Variants in KLRG1 observed in about 807,000 individuals in gnomAD.
The protein encoded by KLRG1 is killer cell lectin-like receptor subfamily G member 1.
KLRG1 carries 16 observed loss-of-function variants against 21.8 expected under a neutral mutation model. That is an observed-to-expected ratio of 0.73 (90% confidence interval 0.50 to 1.11). KLRG1 has a LOEUF of 1.11. Ranked by LOEUF, KLRG1 falls within the 50% of genes most tolerant of loss-of-function variation. The pLI, the probability that KLRG1 is intolerant of heterozygous loss-of-function variation, is 0.00. For missense variants in KLRG1, 173 were observed against 218.3 expected, an observed-to-expected ratio of 0.79 and a Z score of 1.31; for synonymous variants, 69 against 75.9, an observed-to-expected ratio of 0.91 and a Z score of 0.47.
chr12:9,032,907 G>A, the KLRG1 span, among the ~76,000 whole-genome samples: 2 of 152,174 alleles, frequency 1.3e-5, no homozygotes, highest in East Asian at 3.9e-4. Context: ...CCATTCTCTA[G>A]CCCTCTGACC....
chr12:9,109,773 G>T, the KLRG1 span: 1 of 1,263,352 alleles, frequency 7.9e-7, no homozygotes, highest in East Asian at 2.3e-5. Context: ...GTCACCCATG[G>T]GAAATGGAAA....
At chr12:8,951,337 T>C (rs1338643957) in intron 1 of KLRG1, among the ~76,000 whole-genome samples, 3 of 151,156 alleles carry the variant, frequency 2.0e-5, no homozygotes, top group Non-Finnish European at 2.9e-5. Context: ...GGCTTGGTGG[T>C]GCACACCTGT....
the KLRG1 span, chr12:9,079,894 T>G: frequency 3.8e-4 from 516 of 1,341,182 alleles, 2 homozygotes; most frequent in Non-Finnish European, 4.8e-4. Flanking sequence ...AATAATTAGT[T>G]GAGCTTAGAA....
chr12:9,101,409 G>T, the KLRG1 span: 1 of 1,541,186 alleles, frequency 6.5e-7, no homozygotes. Flanking sequence ...GAGAGCTTTT[G>T]TCTACAGTGA....
intron 1 of KLRG1, among the ~76,000 whole-genome samples, chr12:8,956,600 G>A (rs1449083303): frequency 6.6e-6 from 1 of 151,944 alleles, no homozygotes; most frequent in African/African-American, 2.4e-5. Flanking sequence ...TGCCTGCCAC[G>A]ACTTCCGGCT....
At chr12:9,021,761 G>C in the KLRG1 span, among the ~76,000 whole-genome samples, 1 of 152,056 alleles carries the variant, frequency 6.6e-6, no homozygotes, top group South Asian at 2.1e-4. Flanking sequence ...ACAGGGTCAG[G>C]ATCATCAGTA....
chr12:9,163,161 GGA>G, the KLRG1 span, among the ~76,000 whole-genome samples: 2 of 151,888 alleles, frequency 1.3e-5, no homozygotes, highest in Non-Finnish European at 2.9e-5. Context: ...GTGAATCTTA[GGA>G]GAGAGGTGGA....
At chr12:9,137,690 A>C in the KLRG1 span, among the ~76,000 whole-genome samples, 1 of 151,998 alleles carries the variant, frequency 6.6e-6, no homozygotes, top group East Asian at 1.9e-4. Flanking sequence ...TTGTGTCTTA[A>C]TTTCTTTCAT....
chr12:9,001,431 G>GT (rs1947303584), intron 3 of KLRG1, among the ~76,000 whole-genome samples: 1 of 152,122 alleles, frequency 6.6e-6, no homozygotes, highest in Admixed American at 6.5e-5. Context: ...CCAGCTACAG[G>GT]TTTTTCCCCT....
intron 3 of KLRG1, 82 bp from the exon 4 acceptor site, chr12:9,008,893 G>A: frequency 1.2e-6 from 1 of 866,644 alleles, no homozygotes; most frequent in Non-Finnish European, 1.9e-6. Flanking sequence ...ACTTAACTTA[G>A]TATTAGGAAT....
At chr12:9,150,080 A>T in the KLRG1 span, among the ~76,000 whole-genome samples, 1 of 152,020 alleles carries the variant, frequency 6.6e-6, no homozygotes, top group Non-Finnish European at 1.5e-5. Flanking sequence ...TGCCTCTCAA[A>T]CTTATTGCTT....
In KLRG1 at chr12:9,004,540, C is replaced by T. The variant is rs147003361; in HGVS notation, c.358-4435C>T. Among the ~76,000 whole-genome samples the T allele has an allele frequency of 3.2e-3, 483 of 152,304 alleles. 3 individuals carry two copies. Among genetic ancestry groups the T allele is most frequent in the African/African-American group, 0.011 (442 of 41,560 alleles). On this transcript the variant is annotated intron_variant, in intron 3 of 4. Transcript: ENST00000356986. The stretch of plus-strand genomic sequence containing the variant: ...CTGGAGAGCAATGGCATGATCACAG[C>T]TCACTTTAGCCTCAAACTCCTGGGC...
At chr12:9,108,326 C>T in the KLRG1 span, among the ~76,000 whole-genome samples, 1 of 151,964 alleles carries the variant, frequency 6.6e-6, no homozygotes, top group Admixed American at 6.6e-5. Context: ...CGGGGTTTCA[C>T]CATGTTAGCC....
the KLRG1 span, among the ~76,000 whole-genome samples, chr12:9,084,276 G>A: frequency 8.6e-5 from 13 of 152,014 alleles, no homozygotes; most frequent in Non-Finnish European, 1.3e-4. Context: ...AAGTAATATA[G>A]AGCCATATTC....
chr12:9,196,711 A>G, the KLRG1 span: 1 of 1,520,760 alleles, frequency 6.6e-7, no homozygotes, highest in Non-Finnish European at 9.1e-7. Context: ...AAACCAATAA[A>G]TGTCAAACTG....
At chr12:9,153,133 A>T in the KLRG1 span, 2 of 1,614,018 alleles carry the variant, frequency 1.2e-6, no homozygotes, top group Non-Finnish European at 1.7e-6. Flanking sequence ...ACCTGAAGAT[A>T]CACACATCTT....
chr12:8,996,232 C>T (rs1322754672), intron 3 of KLRG1, among the ~76,000 whole-genome samples: 1 of 152,120 alleles, frequency 6.6e-6, no homozygotes, highest in Non-Finnish European at 1.5e-5. Flanking sequence ...CCAGCAATCT[C>T]TTGGAAAAGA....
chr12:9,200,194 T>C, the KLRG1 span, among the ~76,000 whole-genome samples: 261 of 152,332 alleles, frequency 1.7e-3, 1 homozygote, highest in African/African-American at 6.1e-3. Flanking sequence ...AGTGTGTTTC[T>C]ATTCTTTTAT....
rs778203673 is a variant in KLRG1, at chr12:8,992,219, G to T, written c.96G>T (p.Arg32Ser). Residue 32 changes from arginine to serine, a missense_variant, in exon 2 of 5, where the codon AGG becomes AGT. By Grantham distance (110) the Arg-to-Ser change is moderately radical. Coordinates refer to ENST00000356986, the MANE Select transcript of KLRG1 (RefSeq NM_005810.4). ...CTGTTGTTGCAGCTTCCTCTTCCAG[G>T]CCTTCTTGTTCTTGCCTTGTGGCAA... ...YGPQQKSSSS[R>S]PSCSCLVAIA... The T allele has an allele frequency of 1.2e-6, 2 of 1,612,836 alleles. No individual in the cohort carries two copies. Among genetic ancestry groups the T allele is most frequent in the African/African-American group, 1.3e-5 (1 of 74,832 alleles).
Sources: allele counts gnomAD v4.1 joint callset (sites outside exome capture counted in the v4.1 genomes callset), GRCh38; gene constraint gnomAD v4.1.1; transcripts MANE v1.5; gene names NCBI Gene and HGNC (gene_info 2026-07-23, HGNC 2026-07-21).